ALG6: variants seen among roughly 807,000 people sequenced by gnomAD.
The protein encoded by ALG6 is ALG6 alpha-1,3-glucosyltransferase.
A neutral mutation model predicts 66.6 loss-of-function variants in ALG6; 46 were observed. The observed-to-expected ratio is 0.69, with a 90% CI of 0.55 to 0.88. The LOEUF (loss-of-function observed/expected upper bound fraction) is 0.88. Among genes scored for constraint, ALG6 ranks in the 40% least tolerant of loss-of-function variants. The pLI is 0.00. For missense variants in ALG6, 505 were observed against 586.8 expected, an observed-to-expected ratio of 0.86 and a Z score of 1.44; for synonymous variants, 185 against 203.7, an observed-to-expected ratio of 0.91 and a Z score of 0.78.
chr1:63,418,622 A>C (rs1244914898), intron 11 of ALG6, among the ~76,000 whole-genome samples: 2 of 152,134 alleles, frequency 1.3e-5, no homozygotes, highest in African/African-American at 4.8e-5. Context: ...ACATGATCTG[A>C]TATGGTAGCT....
At chr1:63,435,638 G>A (rs1435419567) in intron 14 of ALG6, among the ~76,000 whole-genome samples, 2 of 152,080 alleles carry the variant, frequency 1.3e-5, no homozygotes, top group Non-Finnish European at 2.9e-5. Context: ...GATAAAATGA[G>A]TAAGATCTTG....
At position 63,419,423 on chromosome 1, in the gene ALG6, C is replaced by G. The variant is rs1315652403; in HGVS notation, c.1041C>G (p.Ser347=). 10 of 1,606,942 alleles carry G rather than the reference C, an allele frequency of 6.2e-6. No individual in the cohort carries two copies. The South Asian group carries it at 7.8e-5, about 13-fold the overall frequency. Residue 347 remains serine (S), a synonymous_variant, in exon 12 of 15, where the codon TCC becomes TCG. Transcript: ENST00000263440. ...TTTCTTTCCAAGTACATGAAAAATC[C>G]ATTCTCTTGGTGTCACTGTAAGTAG... ...FLFSFQVHEK[S]ILLVSLPVCL...
In ALG6 at chr1:63,396,649, T is replaced by C. The variant is rs774958852; in HGVS notation, c.167+52T>C. The C allele has an allele frequency of 2.2e-5, 32 of 1,471,326 alleles. No individual in the cohort carries two copies. The South Asian group carries it at 2.8e-4, about 13-fold the overall frequency. The allele number at this position is 1,471,326 out of a possible 1,614,324, so 91.1% of individuals were successfully genotyped here. A position where few individuals can be genotyped will look rare whatever the true frequency, so the allele number is the denominator to read the frequency against. ...TGTTTATCATAGTTAATACAGATTGTTTGAAAATATTAAAGGGACAACACG... is the reference window on the plus strand; with the variant it reads ...TGTTTATCATAGTTAATACAGATTGCTTGAAAATATTAAAGGGACAACACG... On this transcript the variant is annotated intron_variant, in intron 3 of 14. Transcript: ENST00000263440.
Position 63,411,954 on chromosome 1 carries a change from A to G in ALG6, c.709A>G (p.Ile237Val), listed in dbSNP as rs760135479. Residue 237 changes from isoleucine to valine, a missense_variant, in exon 9 of 15, where the codon ATT becomes GTT. Physicochemically the swap from Ile to Val is conservative, Grantham distance 29. Transcript: ENST00000263440. ...GFVLLVKLAC[I>V]VVASFVLCWL... ...TGTGTTGCTAGTTAAGCTAGCTTGT[A>G]TTGTTGTGGCTTCCTTCGTTCTCTG... 6.2e-7 allele frequency: 1 copy of G among 1,614,048 alleles called. No individual in the cohort carries two copies. The highest frequency in any genetic ancestry group is 1.6e-4 in the Middle Eastern group (1 of 6,062).
chr1:63,398,533 C>A (rs934785745), intron 3 of ALG6, among the ~76,000 whole-genome samples: 2 of 152,256 alleles, frequency 1.3e-5, no homozygotes, highest in Admixed American at 1.3e-4. Flanking sequence ...AGTGCAGTGG[C>A]TCGATCTCGG....
At chr1:63,436,521 T>G (rs1005264624) in intron 14 of ALG6, among the ~76,000 whole-genome samples, 9 of 152,258 alleles carry the variant, frequency 5.9e-5, no homozygotes, top group Middle Eastern at 3.4e-3. Context: ...GTTCAGTGCC[T>G]TGGTGGTAGG....
chr1:63,404,539 C>T lies in ALG6; in HGVS notation c.344C>T (p.Thr115Ile), dbSNP rs1570063189. 6.2e-7 allele frequency: 1 copy of T among 1,612,908 alleles called. No individual in the cohort carries two copies. Among genetic ancestry groups the T allele is most frequent in the Non-Finnish European group, 8.5e-7 (1 of 1,179,020 alleles). The change falls in exon 5 of 15, where the codon ACA becomes ATA. Residue 115 changes from threonine (T) to isoleucine (I), a missense_variant and splice_region_variant. Transcript: ENST00000263440. ...SQAHKLFMRTTVLIADLLIYI... is the reference protein window; with the variant it reads ...SQAHKLFMRTIVLIADLLIYI... ...GCACATAAGCTCTTCATGCGTACAA[C>T]AGGTAAAAGAGCAATGGGTAGTGAA...
chr1:63,378,461 A>G (rs2100386214), intron 2 of ALG6, among the ~76,000 whole-genome samples: 1 of 152,092 alleles, frequency 6.6e-6, no homozygotes, highest in Admixed American at 6.5e-5. Context: ...AAGGAATGGT[A>G]TTTTCTGTCT....
In ALG6 at chr1:63,382,699, G is replaced by A. The variant is rs1461554464; in HGVS notation, c.82+11640G>A. Among the ~76,000 whole-genome samples the A allele has an allele frequency of 5.1e-5, 6 of 118,414 alleles. No individual in the cohort carries two copies. In the East Asian group the frequency reaches 7.6e-4, roughly 15 times the overall value. The allele number at this position is 118,414 out of a possible 152,430, so 77.7% of individuals were successfully genotyped here. On this transcript the variant is annotated intron_variant, in intron 2 of 14. Transcript: ENST00000263440. ...TTTTTGTTTTTTTTTTTTTTGAGACGGAGTCTGGCTCTGTCGCCCAGGCTG... is the reference window on the plus strand; with the variant it reads ...TTTTTGTTTTTTTTTTTTTTGAGACAGAGTCTGGCTCTGTCGCCCAGGCTG...
chr1:63,384,413 G>A (rs182527780), intron 2 of ALG6, among the ~76,000 whole-genome samples: 96 of 152,238 alleles, frequency 6.3e-4, no homozygotes, highest in African/African-American at 2.3e-3. Flanking sequence ...CAGATGGGTA[G>A]TTTGCGCATA....
At chr1:63,377,764 C>G (rs143694617) in intron 2 of ALG6, among the ~76,000 whole-genome samples, 61 of 152,222 alleles carry the variant, frequency 4.0e-4, no homozygotes, top group African/African-American at 1.3e-3. Context: ...GATGGGATCT[C>G]ACTCTATTGC....
In ALG6 at chr1:63,390,889, A is replaced by T. The variant is rs1191779154; in HGVS notation, c.83-5624A>T. Among the ~76,000 whole-genome samples the T allele has an allele frequency of 2.0e-5, 3 of 152,218 alleles. No individual in the cohort carries two copies. The East Asian group carries it at 5.8e-4, about 29-fold the overall frequency. On this transcript the variant is annotated intron_variant, in intron 2 of 14. Transcript: ENST00000263440. ...GCTGGGGAATGGAGAAGTGATGTTG[A>T]CAATTCAATACTGTCTTTCTTACCC...
chr1:63,379,955 T>G (rs1396436489), intron 2 of ALG6, among the ~76,000 whole-genome samples: 1 of 151,872 alleles, frequency 6.6e-6, no homozygotes, highest in East Asian at 1.9e-4. Flanking sequence ...GACATGATGG[T>G]TGAAGCCAGG....
chr1:63,402,211 A>C (rs1377367539), intron 3 of ALG6, 43 bp from the exon 4 acceptor site: 3 of 1,167,094 alleles, frequency 2.6e-6, no homozygotes, highest in Non-Finnish European at 3.9e-6. Context: ...CTTCTTGAAT[A>C]TTGATTAACG....
In ALG6 at chr1:63,437,442, A is replaced by C. The variant is rs1407909680; in HGVS notation, c.*422A>C. ...GGGAGAATTGAGCCCCTTCTTTTTA[A>C]TGGAAATCACTAATTTTGGTATTCA... On this transcript the variant is annotated 3_prime_UTR_variant, in exon 15 of 15. Coordinates refer to ENST00000263440, the MANE Select transcript of ALG6 (RefSeq NM_013339.4). The C allele has an allele frequency of 5.8e-6, 1 of 171,214 alleles. No homozygotes were observed. The allele number at this position is 171,214 out of a possible 1,614,324, so 10.6% of individuals were successfully genotyped here.
At chr1:63,427,428 T>C (rs1219522093) in intron 12 of ALG6, among the ~76,000 whole-genome samples, 1 of 152,134 alleles carries the variant, frequency 6.6e-6, no homozygotes, top group Non-Finnish European at 1.5e-5. Flanking sequence ...CAAATCTTTA[T>C]AGAGCACTTT....
chr1:63,437,075 G>A lies in ALG6; in HGVS notation c.*55G>A, dbSNP rs577734605. ...CAAATGTGAAAATGTGAACAGTGCT[G>A]AAAGGTTTTGTGAACTTTTTGCTAT... On this transcript the variant is annotated 3_prime_UTR_variant, in exon 15 of 15. Coordinates refer to ENST00000263440, the MANE Select transcript of ALG6 (RefSeq NM_013339.4). 4.6e-6 allele frequency: 7 copies of A among 1,516,886 alleles called. No homozygotes were observed. The African/African-American group carries it at 8.2e-5, about 18-fold the overall frequency. The allele number at this position is 1,516,886 out of a possible 1,614,324, so 94.0% of individuals were successfully genotyped here. A position where few individuals can be genotyped will look rare whatever the true frequency, so the allele number is the denominator to read the frequency against.
In ALG6 at chr1:63,419,445, G is replaced by T. The variant is rs752074601; in HGVS notation, c.1058+5G>T. The T allele has an allele frequency of 6.3e-7, 1 of 1,576,150 alleles. No homozygotes were observed. The highest frequency in any genetic ancestry group is 8.7e-7 in the Non-Finnish European group (1 of 1,150,088). On this transcript the variant is annotated splice_donor_5th_base_variant and intron_variant, in intron 12 of 14. Coordinates refer to ENST00000263440, the MANE Select transcript of ALG6 (RefSeq NM_013339.4). ...ATCCATTCTCTTGGTGTCACTGTAAGTAGAAACATTTGAAATATGTGTTTA... is the reference window on the plus strand; with the variant it reads ...ATCCATTCTCTTGGTGTCACTGTAATTAGAAACATTTGAAATATGTGTTTA...
intron 2 of ALG6, among the ~76,000 whole-genome samples, chr1:63,379,607 T>C (rs1158553822): frequency 3.9e-5 from 6 of 151,922 alleles, no homozygotes; most frequent in Non-Finnish European, 8.8e-5. Flanking sequence ...TCAAGGCAAA[T>C]GCTTACTTCT....
Sources: gnomAD v4.1 joint callset for allele counts (sites outside exome capture counted in the v4.1 genomes callset) on GRCh38, gnomAD v4.1.1 for gene constraint, MANE v1.5 for transcripts, NCBI Gene and HGNC (gene_info 2026-07-23, HGNC 2026-07-21) for gene names.